The following FSTL5 variants were observed in gnomAD, a reference collection of about 807,000 sequenced individuals.
FSTL5 encodes follistatin-related protein 5.
Under a neutral mutation model 89.1 loss-of-function variants are expected in FSTL5, and 62 were observed. The ratio of observed to expected loss-of-function variants is 0.70; its 90% CI spans 0.57 to 0.86. The LOEUF (loss-of-function observed/expected upper bound fraction) is 0.86, where lower values mean the gene tolerates loss of function less well. Ranked by LOEUF, FSTL5 falls within the 40% of genes least tolerant of loss-of-function variation. The pLI is 0.00. For missense variants in FSTL5, 1,057 were observed against 1,001.6 expected (o/e 1.06, Z -0.75); for synonymous variants, 383 against 346.2 (o/e 1.11, Z -1.18).
intron 4 of FSTL5, among the ~76,000 whole-genome samples, chr4:161,828,326 T>C (rs7679848): frequency 0.83 from 126,075 of 152,078 alleles, 52,342 homozygotes; most frequent in Admixed American, 0.85. Context: ...CTGGGGCCTG[T>C]AGGAGCAATC....
intron 7 of FSTL5, among the ~76,000 whole-genome samples, chr4:161,613,941 GTTTAT>G (rs138020140): frequency 0.13 from 20,109 of 151,992 alleles, 1,702 homozygotes; most frequent in Middle Eastern, 0.27. Context: ...ATCATGTTAT[GTTTAT>G]TTTATTTCGA....
intron 3 of FSTL5, among the ~76,000 whole-genome samples, chr4:161,960,657 A>C (rs1325283075): frequency 6.6e-6 from 1 of 152,108 alleles, no homozygotes; most frequent in Non-Finnish European, 1.5e-5. Context: ...TTATTGTTTT[A>C]CAATAATTTA....
At chr4:161,411,214 A>T (rs754225018) in intron 15 of FSTL5, among the ~76,000 whole-genome samples, 10 of 152,210 alleles carry the variant, frequency 6.6e-5, no homozygotes, top group South Asian at 4.2e-4. Flanking sequence ...CCACCAAATA[A>T]AGCCCCTGAC....
intron 10 of FSTL5, among the ~76,000 whole-genome samples, chr4:161,514,484 A>G (rs1259540549): frequency 1.3e-5 from 2 of 152,164 alleles, no homozygotes; most frequent in African/African-American, 4.8e-5. Flanking sequence ...GTAGGTGAGG[A>G]ATGAAAAATA....
intron 2 of FSTL5, among the ~76,000 whole-genome samples, chr4:162,100,454 G>T (rs1033617396): frequency 1.3e-5 from 2 of 152,094 alleles, no homozygotes; most frequent in Admixed American, 6.5e-5. Flanking sequence ...ATTACTAAAT[G>T]AAAGAAGACA....
chr4:162,133,105 C>T (rs1732378367), intron 1 of FSTL5, among the ~76,000 whole-genome samples: 1 of 152,180 alleles, frequency 6.6e-6, no homozygotes, highest in African/African-American at 2.4e-5. Flanking sequence ...CACCGCCATG[C>T]CTGGCTAATA....
At chr4:161,953,178 T>C (rs956157905) in intron 3 of FSTL5, among the ~76,000 whole-genome samples, 8 of 151,712 alleles carry the variant, frequency 5.3e-5, no homozygotes, top group African/African-American at 1.4e-4. Flanking sequence ...ATATGTCTGT[T>C]TGCTCTCTGT....
At chr4:161,883,705 A>G (rs1448444588) in intron 4 of FSTL5, among the ~76,000 whole-genome samples, 1 of 152,230 alleles carries the variant, frequency 6.6e-6, no homozygotes. Context: ...TAGGTTAAAC[A>G]AAGTGCCAGT....
chr4:161,684,428 G>A (rs1413522643), intron 6 of FSTL5, among the ~76,000 whole-genome samples: 1 of 151,942 alleles, frequency 6.6e-6, no homozygotes, highest in African/African-American at 2.4e-5. Flanking sequence ...CTACATTCAC[G>A]CCAACATCTA....
At chr4:161,633,734 A>G (rs896514108) in intron 7 of FSTL5, among the ~76,000 whole-genome samples, 1 of 152,172 alleles carries the variant, frequency 6.6e-6, no homozygotes, top group African/African-American at 2.4e-5. Flanking sequence ...TGGAGCTGAA[A>G]ACATTGTTGA....
intron 3 of FSTL5, among the ~76,000 whole-genome samples, chr4:162,000,534 G>A (rs1226605754): frequency 6.6e-6 from 1 of 151,656 alleles, no homozygotes; most frequent in Non-Finnish European, 1.5e-5. Flanking sequence ...GGAGGTGGAG[G>A]TTGCAGTGAG....
intron 5 of FSTL5, among the ~76,000 whole-genome samples, chr4:161,774,108 A>G (rs1741310458): frequency 6.6e-6 from 1 of 152,050 alleles, no homozygotes; most frequent in Non-Finnish European, 1.5e-5. Context: ...AAAAATACAA[A>G]AAAATTAGCC....
At chr4:161,548,753 G>A (rs1004340828) in intron 8 of FSTL5, among the ~76,000 whole-genome samples, 3 of 151,646 alleles carry the variant, frequency 2.0e-5, no homozygotes, top group East Asian at 3.9e-4. Flanking sequence ...CCATTATAAT[G>A]TACTAAGCTT....
intron 7 of FSTL5, among the ~76,000 whole-genome samples, chr4:161,638,277 G>A (rs1002075059): frequency 7.3e-5 from 11 of 151,460 alleles, no homozygotes; most frequent in African/African-American, 2.7e-4. Context: ...TCTGTTGTTG[G>A]TGTATAAGAA....
At chr4:161,801,353 G>A (rs1729786029) in intron 4 of FSTL5, among the ~76,000 whole-genome samples, 1 of 151,434 alleles carries the variant, frequency 6.6e-6, no homozygotes. Context: ...TTCATTCAAT[G>A]CATATTTATT....
At chr4:162,079,929 T>A (rs760247947) in intron 2 of FSTL5, among the ~76,000 whole-genome samples, 19 of 151,474 alleles carry the variant, frequency 1.3e-4, no homozygotes, top group Admixed American at 2.6e-4. Context: ...AAAACAATAA[T>A]GAAGGGATTA....
At chr4:162,144,534 A>G (rs1385565865) in intron 1 of FSTL5, among the ~76,000 whole-genome samples, 1 of 152,144 alleles carries the variant, frequency 6.6e-6, no homozygotes, top group Non-Finnish European at 1.5e-5. Flanking sequence ...GTATGGAATC[A>G]AACTCAACTT....
intron 7 of FSTL5, among the ~76,000 whole-genome samples, chr4:161,615,648 T>C (rs1199437370): frequency 6.6e-6 from 1 of 152,034 alleles, no homozygotes; most frequent in African/African-American, 2.4e-5. Flanking sequence ...TATTAAAATC[T>C]TTAAACACGA....
chr4:161,694,841 C>CG (rs1197432464), intron 6 of FSTL5, among the ~76,000 whole-genome samples: 5 of 74,274 alleles, frequency 6.7e-5, no homozygotes, highest in East Asian at 3.7e-4. Flanking sequence ...TTTCTAAATG[C>CG]CTTTTTTTTT....
Sources: allele counts gnomAD v4.1 joint callset (sites outside exome capture counted in the v4.1 genomes callset), GRCh38; gene constraint gnomAD v4.1.1; transcripts MANE v1.5; gene names NCBI Gene and HGNC (gene_info 2026-07-23, HGNC 2026-07-21).